Variants in ADAMTS3 observed in about 807,000 individuals in gnomAD.
ADAMTS3 encodes the protein ADAM metallopeptidase with thrombospondin type 1 motif 3, also known as A disintegrin and metalloproteinase with thrombospondin motifs 3.
In ADAMTS3, 73 loss-of-function variants were observed where a neutral mutation model predicts 129.0. The ratio of observed to expected loss-of-function variants is 0.57; its 90% CI spans 0.47 to 0.69. ADAMTS3 has a LOEUF of 0.69. Ranked by LOEUF, ADAMTS3 falls within the 30% of genes least tolerant of loss-of-function variation. The pLI, the probability that ADAMTS3 is intolerant of heterozygous loss-of-function variation, is 0.00. For synonymous variants in ADAMTS3, 477 were observed against 510.8 expected (o/e 0.93, Z 0.89); for missense variants, 1,457 against 1,514.5 (o/e 0.96, Z 0.63).
chr4:72,387,619 C>G (rs1288853682), intron 4 of ADAMTS3, among the ~76,000 whole-genome samples: 1 of 152,130 alleles, frequency 6.6e-6, no homozygotes, highest in East Asian at 1.9e-4. Context: ...TGAGCCTTAT[C>G]TCACTCTAGA....
intron 2 of ADAMTS3, 105 bp downstream of exon 2, chr4:72,567,269 T>G: frequency 1.7e-6 from 2 of 1,145,994 alleles, no homozygotes; most frequent in Non-Finnish European, 2.6e-6. Context: ...GATTATTTTT[T>G]TTAACCACCA....
intron 3 of ADAMTS3, among the ~76,000 whole-genome samples, chr4:72,525,745 C>T (rs1314697099): frequency 6.6e-6 from 1 of 152,172 alleles, no homozygotes; most frequent in Non-Finnish European, 1.5e-5. Flanking sequence ...TTTCTCCCAT[C>T]CACTCAGTAG....
At chr4:72,339,737 A>G in intron 4 of ADAMTS3, 44 bp from the exon 5 acceptor site, 1 of 1,505,766 alleles carries the variant, frequency 6.6e-7, no homozygotes, top group Non-Finnish European at 9.2e-7. Context: ...TTTCCCTAAC[A>G]GGCCTTCCAA....
rs760218579 is a variant in ADAMTS3 at position 72,555,921 on chromosome 4, CA to C, written c.98-7038del. On this transcript the variant is annotated intron_variant, in intron 2 of 21. Coordinates refer to ENST00000286657, the MANE Select transcript of ADAMTS3 (RefSeq NM_014243.3). ...TGTGCTTGCTTCCCCTTCACCCTTC[CA>C]CCATGATTGTACATTTCCTGAGGTC... 7.9e-5 allele frequency among the ~76,000 whole-genome samples: 12 copies of C among 151,746 alleles called. No homozygotes were observed. The South Asian group carries it at 2.5e-3, about 32-fold the overall frequency.
intron 4 of ADAMTS3, 72 bp downstream of exon 4, chr4:72,414,743 A>T (rs1221039350): frequency 4.3e-6 from 5 of 1,157,314 alleles, no homozygotes; most frequent in Admixed American, 3.1e-5. Context: ...ACATTCTCTT[A>T]CTTGATGGGA....
At chr4:72,438,386 A>G (rs1718026450) in intron 3 of ADAMTS3, among the ~76,000 whole-genome samples, 1 of 151,830 alleles carries the variant, frequency 6.6e-6, no homozygotes, top group South Asian at 2.1e-4. Flanking sequence ...TTTATGAAAT[A>G]TTTAATTCCT....
intron 3 of ADAMTS3, among the ~76,000 whole-genome samples, chr4:72,528,049 C>A (rs1294804269): frequency 6.6e-6 from 1 of 152,116 alleles, no homozygotes; most frequent in East Asian, 1.9e-4. Flanking sequence ...AGAGGAGAAA[C>A]AGGACATTAA....
intron 5 of ADAMTS3, among the ~76,000 whole-genome samples, chr4:72,325,057 A>C (rs1403119758): frequency 1.3e-5 from 2 of 152,120 alleles, no homozygotes. Context: ...ATCGCTAAAA[A>C]ATTTTATAAG....
chr4:72,315,408 G>C (rs1357703962), intron 11 of ADAMTS3, among the ~76,000 whole-genome samples: 1 of 152,182 alleles, frequency 6.6e-6, no homozygotes, highest in Non-Finnish European at 1.5e-5. Context: ...TAAGAGAGGG[G>C]TAGAAGGAGA....
At chr4:72,460,215 G>A (rs1718729153) in intron 3 of ADAMTS3, among the ~76,000 whole-genome samples, 1 of 151,406 alleles carries the variant, frequency 6.6e-6, no homozygotes, top group African/African-American at 2.4e-5. Flanking sequence ...CAAAATTATT[G>A]TTCTGTTCAT....
chr4:72,390,919 C>CT (rs1261426160), intron 4 of ADAMTS3, among the ~76,000 whole-genome samples: 2 of 146,738 alleles, frequency 1.4e-5, no homozygotes, highest in Non-Finnish European at 3.0e-5. Context: ...ACTGGCTAAA[C>CT]TTTTTTTTTA....
At chr4:72,295,814 T>C (rs1718791250) in intron 18 of ADAMTS3, 28 bp from the exon 19 acceptor site, 3 of 1,603,986 alleles carry the variant, frequency 1.9e-6, no homozygotes, top group East Asian at 2.2e-5. Context: ...GTTCTTTGGA[T>C]TTAATCACTT....
At chr4:72,287,207 A>G (rs1229185441) in intron 21 of ADAMTS3, among the ~76,000 whole-genome samples, 2 of 152,052 alleles carry the variant, frequency 1.3e-5, no homozygotes, top group Non-Finnish European at 2.9e-5. Flanking sequence ...CCAGACACTA[A>G]ATCTGCTGAT....
chr4:72,326,557 G>C (rs1027866997), intron 5 of ADAMTS3, among the ~76,000 whole-genome samples: 1 of 151,998 alleles, frequency 6.6e-6, no homozygotes, highest in African/African-American at 2.4e-5. Context: ...CCTGAGTCTC[G>C]ATTTTCTTGT....
intron 3 of ADAMTS3, among the ~76,000 whole-genome samples, chr4:72,480,900 G>A (rs1161884578): frequency 6.6e-6 from 1 of 151,834 alleles, no homozygotes; most frequent in African/African-American, 2.4e-5. Context: ...AAAATAAATT[G>A]TATTTTAATA....
chr4:72,546,668 C>T (rs1181460345), intron 3 of ADAMTS3, among the ~76,000 whole-genome samples: 1 of 152,120 alleles, frequency 6.6e-6, no homozygotes, highest in Non-Finnish European at 1.5e-5. Context: ...TTATGAAACA[C>T]ATCACATAAA....
chr4:72,391,058 C>T (rs77328038), intron 4 of ADAMTS3, among the ~76,000 whole-genome samples: 291 of 152,142 alleles, frequency 1.9e-3, no homozygotes, highest in African/African-American at 6.8e-3. Context: ...CTGCAGTTTG[C>T]ACATTGGTCC....
At chr4:72,389,182 T>A (rs1329235872) in intron 4 of ADAMTS3, among the ~76,000 whole-genome samples, 1 of 152,168 alleles carries the variant, frequency 6.6e-6, no homozygotes, top group Non-Finnish European at 1.5e-5. Context: ...ATGACCAACC[T>A]TGCAAGGAGG....
chr4:72,506,253 C>G (rs1484168490), intron 3 of ADAMTS3, among the ~76,000 whole-genome samples: 1 of 152,170 alleles, frequency 6.6e-6, no homozygotes, highest in Non-Finnish European at 1.5e-5. Flanking sequence ...ATCTGCCTGG[C>G]TCTGGAACAG....
Sources: allele counts gnomAD v4.1 joint callset (sites outside exome capture counted in the v4.1 genomes callset), GRCh38; gene constraint gnomAD v4.1.1; transcripts MANE v1.5; gene names NCBI Gene and HGNC (gene_info 2026-07-23, HGNC 2026-07-21).